EIF4EBP1: variants seen among roughly 807,000 people sequenced by gnomAD.
EIF4EBP1 encodes eukaryotic translation initiation factor 4E-binding protein 1.
A neutral mutation model predicts 9.2 loss-of-function variants in EIF4EBP1; 5 were observed. The observed-to-expected ratio is 0.54, with a 90% confidence interval of 0.28 to 1.14. The LOEUF is 1.14. Ranked by LOEUF, EIF4EBP1 falls within the 50% of genes most tolerant of loss-of-function variation. EIF4EBP1 has a pLI of 0.09. For missense variants in EIF4EBP1, 139 were observed against 169.6 expected, an observed-to-expected ratio of 0.82 and a Z score of 1.00; for synonymous variants, 62 against 67.0, an observed-to-expected ratio of 0.93 and a Z score of 0.36.
chr8:38,037,433 C>G (rs190233180), intron 1 of EIF4EBP1, among the ~76,000 whole-genome samples: 1 of 152,056 alleles, frequency 6.6e-6, no homozygotes, highest in Non-Finnish European at 1.5e-5. Context: ...TCTCCTGCCT[C>G]GCCTCCTGAG....
chr8:38,051,208 C>T (rs1585529415), intron 1 of EIF4EBP1, among the ~76,000 whole-genome samples: 2 of 152,188 alleles, frequency 1.3e-5, no homozygotes, highest in East Asian at 3.8e-4. Context: ...CTGGGGTTCT[C>T]TGGGGCAAAC....
intron 1 of EIF4EBP1, among the ~76,000 whole-genome samples, chr8:38,049,683 T>C (rs1809493287): frequency 6.6e-6 from 1 of 151,998 alleles, no homozygotes; most frequent in East Asian, 1.9e-4. Flanking sequence ...GTTTTCACCA[T>C]GTTGTCTAGG....
At chr8:38,053,992 G>A (rs62503905) in intron 1 of EIF4EBP1, among the ~76,000 whole-genome samples, 6,165 of 152,188 alleles carry the variant, frequency 0.041, 160 homozygotes, top group Non-Finnish European at 0.057. Context: ...ACACCCTACC[G>A]AAAATGTTTA....
intron 1 of EIF4EBP1, among the ~76,000 whole-genome samples, chr8:38,050,898 A>C (rs981833293): frequency 1.3e-5 from 2 of 152,142 alleles, no homozygotes; most frequent in African/African-American, 2.4e-5. Flanking sequence ...GTGGACCCCC[A>C]TGCCACAATC....
At chr8:38,053,490 A>G (rs1441276093) in intron 1 of EIF4EBP1, among the ~76,000 whole-genome samples, 1 of 152,184 alleles carries the variant, frequency 6.6e-6, no homozygotes, top group Non-Finnish European at 1.5e-5. Flanking sequence ...AGCTGGGATT[A>G]CAGGTGTGTG....
intron 1 of EIF4EBP1, among the ~76,000 whole-genome samples, chr8:38,049,898 C>G (rs967942820): frequency 7.0e-6 from 1 of 142,674 alleles, no homozygotes; most frequent in African/African-American, 2.6e-5. Flanking sequence ...TTGTTCATCT[C>G]TTTGTCCTTT....
rs182758364 is a variant in EIF4EBP1, at chr8:38,034,822, A to G, written c.145+4104A>G. 1.1e-3 allele frequency among the ~76,000 whole-genome samples: 175 copies of G among 152,370 alleles called. 1 individual carries two copies. Among genetic ancestry groups the G allele is most frequent in the Admixed American group, 2.0e-3 (30 of 15,296 alleles). The stretch of plus-strand genomic sequence containing the variant: ...GGGATGTAGGCTGGGCACCAAAGCC[A>G]GAGCACAGCCCATGTCCTGAGGCCT... On this transcript the variant is annotated intron_variant, in intron 1 of 2. Transcript: ENST00000338825.
At chr8:38,034,087 C>A (rs1413871856) in intron 1 of EIF4EBP1, among the ~76,000 whole-genome samples, 3 of 152,080 alleles carry the variant, frequency 2.0e-5, no homozygotes, top group African/African-American at 7.2e-5. Flanking sequence ...CATGGTGTCA[C>A]CCAGGCTGGA....
intron 1 of EIF4EBP1, among the ~76,000 whole-genome samples, chr8:38,035,679 A>G (rs1284036620): frequency 6.6e-6 from 1 of 151,720 alleles, no homozygotes; most frequent in African/African-American, 2.4e-5. Flanking sequence ...ACGCACCACC[A>G]TGCCCAGCTA....
intron 1 of EIF4EBP1, among the ~76,000 whole-genome samples, chr8:38,034,306 C>G (rs766728269): frequency 2.0e-5 from 3 of 152,058 alleles, no homozygotes; most frequent in Non-Finnish European, 4.4e-5. Context: ...CCTCAGCCTC[C>G]CAAACTGCTG....
intron 1 of EIF4EBP1, 117 bp downstream of exon 1, chr8:38,030,835 A>AG: frequency 7.5e-7 from 1 of 1,329,440 alleles, no homozygotes; most frequent in Non-Finnish European, 9.7e-7. Context: ...AGAACGGAAA[A>AG]GGGGCATCGG....
Position 38,051,370 on chromosome 8 carries a change from G to A in EIF4EBP1, c.146-5711G>A, listed in dbSNP as rs554283003. 3.3e-5 allele frequency among the ~76,000 whole-genome samples: 5 copies of A among 152,220 alleles called. No homozygotes were observed. In the South Asian group the frequency reaches 6.2e-4, roughly 19 times the overall value. ...TCTCCCTGCATCCAGGTTGGAGAAC[G>A]TGCTTGTACTTCTCATTCTTGGTGT... On this transcript the variant is annotated intron_variant, in intron 1 of 2. Coordinates refer to ENST00000338825, the MANE Select transcript of EIF4EBP1 (RefSeq NM_004095.4).
Position 38,058,540 on chromosome 8 carries a change from G to A in EIF4EBP1, c.325+1280G>A, listed in dbSNP as rs935532260. 2.7e-4 allele frequency among the ~76,000 whole-genome samples: 41 copies of A among 152,062 alleles called. 2 individuals are homozygous for A. The highest frequency in any genetic ancestry group is 9.9e-4 in the African/African-American group (41 of 41,384). ...GTTTCTGTATGAATTTCAAACCATA[G>A]CATTCCAGCCCTGGACCCCCCAAAC... On this transcript the variant is annotated intron_variant, in intron 2 of 2. Transcript: ENST00000338825.
At chr8:38,053,372 G>A (rs1461007009) in intron 1 of EIF4EBP1, among the ~76,000 whole-genome samples, 1 of 152,110 alleles carries the variant, frequency 6.6e-6, no homozygotes, top group Non-Finnish European at 1.5e-5. Flanking sequence ...CGCCCAGGCT[G>A]GAGGGCAGCG....
chr8:38,031,625 A>G (rs1809222312), intron 1 of EIF4EBP1, among the ~76,000 whole-genome samples: 2 of 151,892 alleles, frequency 1.3e-5, no homozygotes, highest in African/African-American at 4.8e-5. Context: ...TTTCCATACT[A>G]CTAGAAAACG....
Position 38,040,671 on chromosome 8 carries a change from G to A in EIF4EBP1, c.145+9953G>A, listed in dbSNP as rs1209917414. Among the ~76,000 whole-genome samples, 3 of 152,154 alleles carry A rather than the reference G, an allele frequency of 2.0e-5. No individual in the cohort carries two copies. The East Asian group carries it at 5.8e-4, about 29-fold the overall frequency. On this transcript the variant is annotated intron_variant, in intron 1 of 2. Transcript: ENST00000338825. ...ATTGCTGGGGACAGCTGGAAGCCTG[G>A]GAGTTCCCTCTATCCTCTTGGTCTC...
At chr8:38,059,786 CTTA>C in intron 2 of EIF4EBP1, 115 bp from the exon 3 acceptor site, 1 of 934,834 alleles carries the variant, frequency 1.1e-6, no homozygotes, top group Non-Finnish European at 1.6e-6. Flanking sequence ...CAAAAAAAAA[CTTA>C]TTTTCTTTAT....
intron 1 of EIF4EBP1, among the ~76,000 whole-genome samples, chr8:38,050,606 TTTTC>T (rs997306712): frequency 2.0e-5 from 3 of 152,154 alleles, no homozygotes; most frequent in East Asian, 1.9e-4. Context: ...TGCCTCGGTC[TTTTC>T]TTTCTTTCTT....
At chr8:38,038,408 TG>T in intron 1 of EIF4EBP1, among the ~76,000 whole-genome samples, 1 of 147,316 alleles carries the variant, frequency 6.8e-6, no homozygotes, top group Admixed American at 6.9e-5. Context: ...CTCAGGAGGC[TG>T]AGGCAGAAGA....
Sources: allele counts gnomAD v4.1 joint callset (sites outside exome capture counted in the v4.1 genomes callset), GRCh38; gene constraint gnomAD v4.1.1; transcripts MANE v1.5; gene names NCBI Gene and HGNC (gene_info 2026-07-23, HGNC 2026-07-21).